The following RNF175 variants were observed in gnomAD, a reference collection of about 807,000 sequenced individuals.
The protein encoded by RNF175 is ring finger protein 175.
Under a neutral mutation model 50.0 loss-of-function variants are expected in RNF175, and 38 were observed. That is an observed-to-expected ratio of 0.76 (90% CI 0.59 to 1.00). The LOEUF is 1.00. Among genes scored for constraint, RNF175 ranks in the 50% least tolerant of loss-of-function variants. The pLI, the probability that RNF175 is intolerant of heterozygous loss-of-function variation, is 0.00. For missense variants in RNF175, 388 were observed against 409.6 expected, an observed-to-expected ratio of 0.95 and a Z score of 0.46; for synonymous variants, 155 against 146.1, an observed-to-expected ratio of 1.06 and a Z score of -0.44.
At chr4:153,715,763 CA>C in intron 6 of RNF175, 101 bp from the exon 7 acceptor site, 1 of 1,260,858 alleles carries the variant, frequency 7.9e-7, no homozygotes. Flanking sequence ...CAGCCCTTGG[CA>C]CATAGAATCT....
intron 4 of RNF175, among the ~76,000 whole-genome samples, chr4:153,727,168 A>G (rs1738747580): frequency 6.6e-6 from 1 of 152,238 alleles, no homozygotes; most frequent in Non-Finnish European, 1.5e-5. Flanking sequence ...TAAATAACTT[A>G]GAATATTTTC....
At chr4:153,731,040 G>A (rs1739004228) in intron 3 of RNF175, among the ~76,000 whole-genome samples, 1 of 152,192 alleles carries the variant, frequency 6.6e-6, no homozygotes, top group African/African-American at 2.4e-5. Context: ...AATGTATTAT[G>A]TGTGCAAATA....
At chr4:153,715,688 A>T in intron 6 of RNF175, 26 bp from the exon 7 acceptor site, 1 of 1,607,590 alleles carries the variant, frequency 6.2e-7, no homozygotes, top group South Asian at 1.1e-5. Context: ...GACAGAGCAC[A>T]GTCAGAAAGG....
At chr4:153,759,580 C>A (rs1464444518) in intron 1 of RNF175, among the ~76,000 whole-genome samples, 1 of 152,014 alleles carries the variant, frequency 6.6e-6, no homozygotes, top group Non-Finnish European at 1.5e-5. Flanking sequence ...GCGGGGAGGG[C>A]ACAGAAGTGG....
At chr4:153,725,307 T>G (rs10021447) in intron 4 of RNF175, among the ~76,000 whole-genome samples, 29,965 of 152,092 alleles carry the variant, frequency 0.2, 3,132 homozygotes, top group East Asian at 0.31. Context: ...CTGAGCAGTT[T>G]AGATCATTGC....
chr4:153,745,950 C>A (rs1739947053), intron 3 of RNF175, among the ~76,000 whole-genome samples: 1 of 152,252 alleles, frequency 6.6e-6, no homozygotes, highest in African/African-American at 2.4e-5. Context: ...CAAACCACAG[C>A]ATTCTGCTCT....
chr4:153,732,657 G>T (rs1178104163), intron 3 of RNF175, among the ~76,000 whole-genome samples: 2 of 152,174 alleles, frequency 1.3e-5, no homozygotes, highest in Non-Finnish European at 2.9e-5. Flanking sequence ...CTACTGATTT[G>T]TGAAGTCAGA....
At chr4:153,732,257 C>CA (rs1401940644) in intron 3 of RNF175, among the ~76,000 whole-genome samples, 1 of 151,010 alleles carries the variant, frequency 6.6e-6, no homozygotes, top group Non-Finnish European at 1.5e-5. Flanking sequence ...AAACAAAAAA[C>CA]AAAAAACAAA....
intron 7 of RNF175, chr4:153,713,963 T>G (rs6535947): frequency 0.61 from 92,679 of 152,108 alleles, 28,546 homozygotes; most frequent in South Asian, 0.82. Context: ...TGGCAGAACT[T>G]CTGCAGAGCA....
chr4:153,759,804 T>C lies in RNF175; in HGVS notation c.59A>G (p.Gln20Arg). ...AAPVLEAPPQ[Q>R]EQLSHTKLSA... is the part of the protein sequence containing the mutation. ...GCGCCCCCGCGCCAGTACCTGCTCC[T>C]GCTGCGGGGGGGCCTCCAGCACCGG... is the stretch of plus-strand genomic sequence containing the variant. The change falls in exon 1 of 9, where the codon CAG (glutamine) becomes CGG (arginine). Residue 20 changes from glutamine (Q) to arginine (R), a missense_variant. Coordinates refer to ENST00000347063, the MANE Select transcript of RNF175 (RefSeq NM_173662.4). 1 of 1,479,226 alleles carries C rather than the reference T, an allele frequency of 6.8e-7. No individual in the cohort carries two copies. Among genetic ancestry groups the C allele is most frequent in the Non-Finnish European group, 8.9e-7 (1 of 1,123,036 alleles). The allele number at this position is 1,479,226 out of a possible 1,614,324, so 91.6% of individuals were successfully genotyped here.
intron 2 of RNF175, among the ~76,000 whole-genome samples, chr4:153,750,497 A>G (rs1740229186): frequency 6.6e-6 from 1 of 152,238 alleles, no homozygotes; most frequent in Non-Finnish European, 1.5e-5. Context: ...TCAGAATGTC[A>G]GTGCTGGAAG....
chr4:153,748,849 AC>A, intron 2 of RNF175, 63 bp from the exon 3 acceptor site: 6 of 1,079,018 alleles, frequency 5.6e-6, no homozygotes, highest in South Asian at 1.6e-5. Context: ...AGCAAAAAAA[AC>A]AAAAAACAAA....
intron 1 of RNF175, among the ~76,000 whole-genome samples, chr4:153,754,211 G>A (rs1385192738): frequency 6.6e-6 from 1 of 151,804 alleles, no homozygotes; most frequent in African/African-American, 2.4e-5. Flanking sequence ...AACTGATTGA[G>A]TGAGTAGACC....
intron 3 of RNF175, among the ~76,000 whole-genome samples, chr4:153,738,536 T>C (rs1037127289): frequency 5.9e-5 from 9 of 152,174 alleles, no homozygotes; most frequent in African/African-American, 2.2e-4. Context: ...GTCCACTTTG[T>C]CTGAAATTAA....
In RNF175 at chr4:153,760,001, C is replaced by T; in HGVS notation, c.-139G>A. The T allele has an allele frequency of 4.3e-6, 2 of 467,324 alleles. No individual in the cohort carries two copies. Among genetic ancestry groups the T allele is most frequent in the Non-Finnish European group, 3.5e-6 (1 of 282,542 alleles). 28.9% of individuals were successfully genotyped at this position (467,324 alleles called of 1,614,324 possible). On this transcript the variant is annotated 5_prime_UTR_variant, in exon 1 of 9. Transcript: ENST00000347063. ...CGGCGGCGGCGGAGCGGCGGCCCTG[C>T]CCGGGTTGTGCGGGGCGGGAGATGG...
intron 6 of RNF175, among the ~76,000 whole-genome samples, chr4:153,716,623 CAG>C (rs1737949142): frequency 3.3e-5 from 5 of 151,950 alleles, no homozygotes; most frequent in Admixed American, 1.3e-4. Flanking sequence ...AAAAATATTA[CAG>C]AGATTGGCTA....
At chr4:153,748,148 G>A (rs1740079160) in intron 3 of RNF175, among the ~76,000 whole-genome samples, 1 of 152,104 alleles carries the variant, frequency 6.6e-6, no homozygotes, top group Non-Finnish European at 1.5e-5. Context: ...GTTGCATTGG[G>A]GATTAAATCT....
At chr4:153,722,386 C>A (rs978725082) in intron 5 of RNF175, among the ~76,000 whole-genome samples, 1 of 152,182 alleles carries the variant, frequency 6.6e-6, no homozygotes, top group African/African-American at 2.4e-5. Context: ...TTTTAAAACT[C>A]CCCATCTATT....
intron 2 of RNF175, 75 bp downstream of exon 2, chr4:153,751,363 C>T: frequency 9.6e-7 from 1 of 1,036,782 alleles, no homozygotes. Context: ...ATGATGACTT[C>T]ATTCATTTTC....
Sources: gnomAD v4.1 joint callset for allele counts (sites outside exome capture counted in the v4.1 genomes callset) on GRCh38, gnomAD v4.1.1 for gene constraint, MANE v1.5 for transcripts, NCBI Gene and HGNC (gene_info 2026-07-23, HGNC 2026-07-21) for gene names.